The following CA10 variants were observed in gnomAD, a reference collection of about 807,000 sequenced individuals.
CA10 encodes the protein carbonic anhydrase 10 (inactive).
In CA10, 14 loss-of-function variants were observed where a neutral mutation model predicts 44.2. That is an observed-to-expected ratio of 0.32 (90% CI 0.21 to 0.50). CA10 has a LOEUF of 0.50. Among genes scored for constraint, CA10 ranks in the 20% least tolerant of loss-of-function variants. The probability of loss-of-function intolerance (pLI) is 0.99; values close to 1 mark genes in which losing one functional copy is unlikely to be tolerated. For synonymous variants in CA10, 159 were observed against 141.6 expected (o/e 1.12, Z -0.87); for missense variants, 350 against 409.7 (o/e 0.85, Z 1.26).
At chr17:51,922,764 T>A (rs564979396) in intron 3 of CA10, among the ~76,000 whole-genome samples, 1 of 152,288 alleles carries the variant, frequency 6.6e-6, no homozygotes, top group African/African-American at 2.4e-5. Flanking sequence ...CATGATATTT[T>A]AAAAATCTGC....
chr17:51,831,804 G>T (rs1329877516), intron 3 of CA10, among the ~76,000 whole-genome samples: 9 of 151,630 alleles, frequency 5.9e-5, no homozygotes, highest in Non-Finnish European at 2.9e-5. Context: ...GTTGCAAAAG[G>T]ATCTGACAAG....
intron 2 of CA10, among the ~76,000 whole-genome samples, chr17:51,944,624 A>G (rs1461328741): frequency 6.6e-6 from 1 of 152,258 alleles, no homozygotes; most frequent in African/African-American, 2.4e-5. Context: ...ATAAATTTTA[A>G]CAATACAGCA....
At chr17:52,098,042 A>G (rs1598213292) in intron 1 of CA10, among the ~76,000 whole-genome samples, 1 of 152,174 alleles carries the variant, frequency 6.6e-6, no homozygotes, top group East Asian at 1.9e-4. Flanking sequence ...GAGATACACC[A>G]GGACCTTATG....
intron 1 of CA10, among the ~76,000 whole-genome samples, chr17:52,135,911 C>T (rs1319246317): frequency 6.6e-6 from 1 of 152,174 alleles, no homozygotes; most frequent in Admixed American, 6.5e-5. Flanking sequence ...GTTTAATAAT[C>T]ATGCTTATTA....
chr17:51,631,623 A>G lies in CA10; in HGVS notation c.965-17T>C. On this transcript the variant is annotated splice_polypyrimidine_tract_variant and intron_variant, in intron 8 of 8. Coordinates refer to ENST00000451037, the MANE Select transcript of CA10 (RefSeq NM_020178.5). Reference sequence around the variant, plus strand: ...ATTCATTTACTGCAAAGAGAGAGAAAGAAAAAAAAAATCACACATACAACA... The same window carrying G: ...ATTCATTTACTGCAAAGAGAGAGAAGGAAAAAAAAAATCACACATACAACA... 1.2e-6 allele frequency: 2 copies of G among 1,609,232 alleles called. No homozygotes were observed. The highest frequency in any genetic ancestry group is 1.7e-6 in the Non-Finnish European group (2 of 1,176,104).
chr17:51,645,476 C>A (rs1198939678), intron 6 of CA10, among the ~76,000 whole-genome samples: 1 of 152,148 alleles, frequency 6.6e-6, no homozygotes, highest in Non-Finnish European at 1.5e-5. Context: ...CAGGGCCAGG[C>A]AGGAGTTGGA....
intron 1 of CA10, among the ~76,000 whole-genome samples, chr17:52,114,341 G>C (rs1234342518): frequency 6.6e-6 from 1 of 152,144 alleles, no homozygotes; most frequent in African/African-American, 2.4e-5. Flanking sequence ...TAGCAGTAAA[G>C]AATGTGACTC....
intron 1 of CA10, among the ~76,000 whole-genome samples, chr17:52,072,731 G>T (rs1987717931): frequency 1.5e-5 from 2 of 132,642 alleles, no homozygotes; most frequent in South Asian, 4.9e-4. Context: ...CACACACAGT[G>T]CTCCTGCTGA....
chr17:51,646,321 G>T (rs1391285136), intron 6 of CA10, among the ~76,000 whole-genome samples: 1 of 152,164 alleles, frequency 6.6e-6, no homozygotes, highest in Admixed American at 6.5e-5. Context: ...TGTGGAAAGT[G>T]CTCAGTAAGC....
At chr17:52,134,971 T>C in intron 1 of CA10, 1 of 519,042 alleles carries the variant, frequency 1.9e-6, no homozygotes, top group Non-Finnish European at 3.8e-6. Flanking sequence ...TCTCCATGTG[T>C]GCCATCACCT....
At chr17:52,024,842 T>C (rs1458328249) in intron 2 of CA10, among the ~76,000 whole-genome samples, 2 of 152,036 alleles carry the variant, frequency 1.3e-5, no homozygotes, top group Non-Finnish European at 2.9e-5. Flanking sequence ...GCTATGATAA[T>C]GGTGATAGTG....
chr17:51,687,137 C>T (rs1256875615), intron 4 of CA10, among the ~76,000 whole-genome samples: 1 of 152,174 alleles, frequency 6.6e-6, no homozygotes, highest in Non-Finnish European at 1.5e-5. Flanking sequence ...CTACATCTTA[C>T]CTTTATGATC....
At chr17:51,788,097 A>C (rs932660200) in intron 3 of CA10, among the ~76,000 whole-genome samples, 1 of 152,172 alleles carries the variant, frequency 6.6e-6, no homozygotes, top group African/African-American at 2.4e-5. Context: ...ACTTGGAGCC[A>C]TAAACTTCCC....
intron 2 of CA10, among the ~76,000 whole-genome samples, chr17:51,988,863 G>T (rs974269672): frequency 6.6e-6 from 1 of 151,938 alleles, no homozygotes; most frequent in African/African-American, 2.4e-5. Context: ...TATATCCAAT[G>T]TATTATAGTT....
chr17:51,938,358 A>T (rs955112143), intron 2 of CA10, among the ~76,000 whole-genome samples: 2 of 152,096 alleles, frequency 1.3e-5, no homozygotes, highest in African/African-American at 2.4e-5. Flanking sequence ...AGGGTGAAGG[A>T]TCCAGGCAGA....
intron 3 of CA10, among the ~76,000 whole-genome samples, chr17:51,883,715 T>A (rs1308561423): frequency 6.6e-6 from 1 of 152,194 alleles, no homozygotes; most frequent in Admixed American, 6.5e-5. Context: ...CCCATCTTAA[T>A]GTTAGGTGCT....
At chr17:51,817,337 TGA>T (rs960667971) in intron 3 of CA10, among the ~76,000 whole-genome samples, 14 of 152,340 alleles carry the variant, frequency 9.2e-5, no homozygotes, top group African/African-American at 3.4e-4. Context: ...GTTGAGTAGT[TGA>T]GACAGAGATC....
At chr17:51,726,951 G>C (rs1195630973) in intron 4 of CA10, among the ~76,000 whole-genome samples, 4 of 152,222 alleles carry the variant, frequency 2.6e-5, no homozygotes, top group Non-Finnish European at 4.4e-5. Flanking sequence ...TTAGTGGCCT[G>C]CTGGTTTCAT....
chr17:51,697,084 T>TG (rs1288686254), intron 4 of CA10, among the ~76,000 whole-genome samples: 1 of 139,324 alleles, frequency 7.2e-6, no homozygotes, highest in African/African-American at 3.0e-5. Flanking sequence ...TGCAACGTAA[T>TG]GAAAAAAAAA....
Sources: allele counts gnomAD v4.1 joint callset (sites outside exome capture counted in the v4.1 genomes callset), GRCh38; gene constraint gnomAD v4.1.1; transcripts MANE v1.5; gene names NCBI Gene and HGNC (gene_info 2026-07-23, HGNC 2026-07-21).